Variants in TAB2 observed in about 807,000 individuals in gnomAD.
The protein encoded by TAB2 is TGF-beta activated kinase 1 (MAP3K7) binding protein 2.
In TAB2, 3 loss-of-function variants were observed where a neutral mutation model predicts 65.0. The observed-to-expected ratio is 0.05, with a 90% CI of 0.02 to 0.12. The LOEUF (loss-of-function observed/expected upper bound fraction) is 0.12, where lower values mean the gene tolerates loss of function less well. Among genes scored for constraint, TAB2 ranks in the 10% least tolerant of loss-of-function variants. The pLI, the probability that TAB2 is intolerant of heterozygous loss-of-function variation, is 1.00. For synonymous variants in TAB2, 298 were observed against 285.1 expected (o/e 1.05, Z -0.46); for missense variants, 623 against 840.3 (o/e 0.74, Z 3.20).
chr6:149,264,036 G>A (rs913945312), intron 1 of TAB2, among the ~76,000 whole-genome samples: 1 of 152,222 alleles, frequency 6.6e-6, no homozygotes, highest in East Asian at 1.9e-4. Context: ...TGCCTATTCT[G>A]CATGCCCATC....
intron 1 of TAB2, among the ~76,000 whole-genome samples, chr6:149,276,453 T>C (rs965017884): frequency 3.3e-5 from 5 of 152,180 alleles, no homozygotes; most frequent in African/African-American, 1.2e-4. Context: ...TTAACAAGAA[T>C]TTGATGGCTA....
chr6:149,242,456 A>G (rs567731336), intron 1 of TAB2, among the ~76,000 whole-genome samples: 8 of 152,336 alleles, frequency 5.3e-5, no homozygotes, highest in African/African-American at 1.4e-4. Context: ...AGGTGTTATT[A>G]TAGAGTTCCT....
chr6:149,293,431 T>A (rs889310945), intron 1 of TAB2, among the ~76,000 whole-genome samples: 2 of 152,230 alleles, frequency 1.3e-5, no homozygotes, highest in African/African-American at 4.8e-5. Flanking sequence ...ATTCACTTCT[T>A]ATGTGTGTTG....
intron 2 of TAB2, among the ~76,000 whole-genome samples, chr6:149,374,790 A>G (rs1490995584): frequency 5.9e-5 from 9 of 152,314 alleles, no homozygotes; most frequent in Non-Finnish European, 8.8e-5. Flanking sequence ...CTAGTTTACA[A>G]TGAAATGCAG....
At chr6:149,354,362 T>C (rs1186150475) in intron 1 of TAB2, among the ~76,000 whole-genome samples, 4 of 152,214 alleles carry the variant, frequency 2.6e-5, no homozygotes, top group Non-Finnish European at 5.9e-5. Flanking sequence ...CACAAAATCA[T>C]GTCATAAAAT....
chr6:149,236,431 T>G (rs1037303961), intron 1 of TAB2, among the ~76,000 whole-genome samples: 6 of 152,230 alleles, frequency 3.9e-5, no homozygotes, highest in African/African-American at 1.4e-4. Context: ...TGCCTCGATT[T>G]CTTTCCTGTT....
In TAB2 at chr6:149,328,470, G is replaced by C. The variant is rs142569877; in HGVS notation, c.-90+10455G>C. Among the ~76,000 whole-genome samples the C allele has an allele frequency of 7.4e-3, 1,127 of 152,182 alleles. 14 individuals are homozygous for C. The highest frequency in any genetic ancestry group is 0.026 in the African/African-American group (1,088 of 41,516). On this transcript the variant is annotated intron_variant, in intron 1 of 6. Transcript: ENST00000637181. ...ACCACGCCTGGCTAATTTTTTGTGTGTTTAGTAGAGACAGGGTTTCACCGT... is the reference window on the plus strand; with the variant it reads ...ACCACGCCTGGCTAATTTTTTGTGTCTTTAGTAGAGACAGGGTTTCACCGT...
intron 1 of TAB2, among the ~76,000 whole-genome samples, chr6:149,281,031 C>T (rs772823148): frequency 1.3e-5 from 2 of 151,408 alleles, no homozygotes; most frequent in Non-Finnish European, 2.9e-5. Context: ...GAAAATAATA[C>T]CAAATGGAAA....
chr6:149,324,871 G>A (rs1320443171), intron 1 of TAB2, among the ~76,000 whole-genome samples: 3 of 140,628 alleles, frequency 2.1e-5, no homozygotes, highest in Admixed American at 7.5e-5. Context: ...ATCATAGCTC[G>A]CTGCAATCTC....
chr6:149,356,705 G>A (rs1215535006), intron 1 of TAB2, among the ~76,000 whole-genome samples: 1 of 152,120 alleles, frequency 6.6e-6, no homozygotes, highest in Non-Finnish European at 1.5e-5. Context: ...GAATTTTGAG[G>A]GGACCTGACC....
chr6:149,409,954 T>C lies in TAB2; in HGVS notation c.*235T>C. Reference sequence around the variant, plus strand: ...TCTGCTGAAAGACTTGGTTGCCCACTGCCTAACTGTGTACAGTGTTACCAG... The same window carrying C: ...TCTGCTGAAAGACTTGGTTGCCCACCGCCTAACTGTGTACAGTGTTACCAG... On this transcript the variant is annotated 3_prime_UTR_variant, in exon 7 of 7. Transcript: ENST00000637181. 1.7e-6 allele frequency: 1 copy of C among 579,022 alleles called. No homozygotes were observed. The highest frequency in any genetic ancestry group is 3.0e-5 in the East Asian group (1 of 32,932). The allele number at this position is 579,022 out of a possible 1,614,324, so 35.9% of individuals were successfully genotyped here. A position where few individuals can be genotyped will look rare whatever the true frequency, so the allele number is the denominator to read the frequency against.
chr6:149,248,254 T>C (rs1777772255), intron 1 of TAB2, among the ~76,000 whole-genome samples: 1 of 151,868 alleles, frequency 6.6e-6, no homozygotes, highest in South Asian at 2.1e-4. Context: ...TAGCCGGGCG[T>C]GGTGGCAGGC....
chr6:149,240,210 G>A, intron 1 of TAB2, among the ~76,000 whole-genome samples: 1 of 152,196 alleles, frequency 6.6e-6, no homozygotes, highest in East Asian at 1.9e-4. Context: ...CATGTAATCT[G>A]AGCATGGCAG....
At chr6:149,362,473 G>A (rs1780883196) in intron 1 of TAB2, among the ~76,000 whole-genome samples, 1 of 152,124 alleles carries the variant, frequency 6.6e-6, no homozygotes, top group Non-Finnish European at 1.5e-5. Context: ...CTAAGGGGAT[G>A]GCACTAAACC....
At chr6:149,360,849 C>A (rs1211084431) in intron 1 of TAB2, among the ~76,000 whole-genome samples, 1 of 152,134 alleles carries the variant, frequency 6.6e-6, no homozygotes, top group Non-Finnish European at 1.5e-5. Context: ...CATTCCCATT[C>A]CAAAAGGGAG....
intron 6 of TAB2, among the ~76,000 whole-genome samples, chr6:149,405,532 A>G (rs552173983): frequency 1.3e-5 from 2 of 152,368 alleles, no homozygotes; most frequent in African/African-American, 2.4e-5. Flanking sequence ...AGAAAACGTG[A>G]GAGATACACA....
At chr6:149,336,232 T>C (rs1269188084) in intron 1 of TAB2, among the ~76,000 whole-genome samples, 1 of 152,230 alleles carries the variant, frequency 6.6e-6, no homozygotes, top group African/African-American at 2.4e-5. Flanking sequence ...ATTTATTACT[T>C]GGAATTCATT....
chr6:149,289,162 G>A (rs993366395), intron 1 of TAB2, among the ~76,000 whole-genome samples: 8 of 151,782 alleles, frequency 5.3e-5, no homozygotes, highest in African/African-American at 9.7e-5. Context: ...CCAGGTCAAC[G>A]TGATTCTTTT....
At chr6:149,338,067 T>A (rs967338675) in intron 1 of TAB2, among the ~76,000 whole-genome samples, 1 of 152,182 alleles carries the variant, frequency 6.6e-6, no homozygotes, top group African/African-American at 2.4e-5. Flanking sequence ...GCCAGCTGTG[T>A]TTTGGGATTC....
Sources: allele counts gnomAD v4.1 joint callset (sites outside exome capture counted in the v4.1 genomes callset), GRCh38; gene constraint gnomAD v4.1.1; transcripts MANE v1.5; gene names NCBI Gene and HGNC (gene_info 2026-07-23, HGNC 2026-07-21).